The following CDH23 variants were observed in gnomAD, a reference collection of about 807,000 sequenced individuals.
CDH23 encodes cadherin-23.
A neutral mutation model predicts 317.1 loss-of-function variants in CDH23; 189 were observed. That is an observed-to-expected ratio of 0.60 (90% CI 0.53 to 0.67). The LOEUF is 0.67. Ranked by LOEUF, CDH23 falls within the 30% of genes least tolerant of loss-of-function variation. CDH23 has a pLI of 0.00. For missense variants in CDH23, 4,401 were observed against 4,592.4 expected, an observed-to-expected ratio of 0.96 and a Z score of 1.20; for synonymous variants, 1,839 against 1,876.8, an observed-to-expected ratio of 0.98 and a Z score of 0.52.
chr10:71,738,469 T>C, intron 34 of CDH23, 29 bp from the exon 35 acceptor site: 1 of 1,613,820 alleles, frequency 6.2e-7, no homozygotes, highest in Non-Finnish European at 8.5e-7. Flanking sequence ...GGAAGGAGGC[T>C]GTAGGTCTCT....
At chr10:71,515,525 CA>C (rs1448398528) in intron 6 of CDH23, among the ~76,000 whole-genome samples, 1 of 148,776 alleles carries the variant, frequency 6.7e-6, no homozygotes, top group African/African-American at 2.6e-5. Flanking sequence ...CGGATCTGCC[CA>C]ATTTTTTTTT....
intron 6 of CDH23, among the ~76,000 whole-genome samples, chr10:71,520,422 G>A (rs945748009): frequency 2.0e-5 from 3 of 152,216 alleles, no homozygotes; most frequent in Non-Finnish European, 2.9e-5. Flanking sequence ...CTCTGTGGGC[G>A]AGCAACACAC....
intron 6 of CDH23, among the ~76,000 whole-genome samples, chr10:71,515,953 G>A (rs1854313188): frequency 6.6e-6 from 1 of 152,224 alleles, no homozygotes; most frequent in Admixed American, 6.5e-5. Context: ...GTACATGGGG[G>A]CTATTTGTTT....
intron 3 of CDH23, among the ~76,000 whole-genome samples, chr10:71,490,056 TG>T (rs1265600635): frequency 2.0e-5 from 3 of 152,042 alleles, no homozygotes; most frequent in African/African-American, 7.3e-5. Flanking sequence ...CTATGCTGGG[TG>T]GGGCAAGATT....
chr10:71,707,458 T>C (rs1865835154), intron 26 of CDH23: 1 of 1,202,308 alleles, frequency 8.3e-7, no homozygotes, highest in Non-Finnish European at 1.0e-6. Context: ...TTCCCACCTG[T>C]TTAGAGGCAG....
rs34017042 is a variant in CDH23, at chr10:71,414,047, T to TTGTGTGTGTGTGTGTG, written c.-6+16751_-6+16766dup. Among the ~76,000 whole-genome samples, 133 of 142,974 alleles carry TTGTGTGTGTGTGTGTG rather than the reference T, an allele frequency of 9.3e-4. 1 individual carries two copies. Among genetic ancestry groups the TTGTGTGTGTGTGTGTG allele is most frequent in the African/African-American group, 3.1e-3 (117 of 38,204 alleles). The allele number at this position is 142,974 out of a possible 152,430, so 93.8% of individuals were successfully genotyped here. A position where few individuals can be genotyped will look rare whatever the true frequency, so the allele number is the denominator to read the frequency against. On this transcript the variant is annotated intron_variant, in intron 1 of 69. Coordinates refer to ENST00000224721, the MANE Select transcript of CDH23 (RefSeq NM_022124.6). The stretch of plus-strand genomic sequence containing the variant: ...TGCTGAATTTATTAGCTCCTGGGTT[T>TTGTGTGTGTGTGTGTG]TGTGTGTGTGTGTGTGTGTGTGTGT...
intron 8 of CDH23, among the ~76,000 whole-genome samples, chr10:71,572,015 T>A (rs1462383358): frequency 6.6e-6 from 1 of 152,216 alleles, no homozygotes; most frequent in African/African-American, 2.4e-5. Flanking sequence ...GAGGCCGCAG[T>A]CTCCTGGTGT....
chr10:71,788,529 C>T (rs1039765278), intron 44 of CDH23, among the ~76,000 whole-genome samples: 5 of 151,940 alleles, frequency 3.3e-5, no homozygotes, highest in Non-Finnish European at 7.4e-5. Flanking sequence ...GATATCCGCT[C>T]GCTGCAAGCT....
chr10:71,540,131 G>A (rs547498570), intron 6 of CDH23, among the ~76,000 whole-genome samples: 1 of 152,326 alleles, frequency 6.6e-6, no homozygotes, highest in South Asian at 2.1e-4. Context: ...CATCTCAGAT[G>A]TTAAGCCGTC....
chr10:71,759,846 CATAT>C (rs57617386), intron 38 of CDH23, among the ~76,000 whole-genome samples: 2,300 of 59,592 alleles, frequency 0.039, 139 homozygotes, highest in Non-Finnish European at 0.04. Context: ...CACACACACA[CATAT>C]ACACACACAC....
Position 71,785,712 on chromosome 10 carries a change from C to A in CDH23, c.5794C>A (p.Pro1932Thr). The change falls in exon 44 of 70, where the codon CCG (proline) becomes ACG (threonine). Residue 1932 changes from proline to threonine, a missense_variant. By Grantham distance (38) the Pro-to-Thr change is conservative (BLOSUM62 -1). Transcript: ENST00000224721. ...YKLTISVKDN[P>T]ENPRIARRDY... is the part of the protein sequence containing the mutation. ...GCTGACCATTTCTGTGAAGGACAACCCGGAGAATCCACGCATAGCCAGGAG... is the reference window on the plus strand; with the variant it reads ...GCTGACCATTTCTGTGAAGGACAACACGGAGAATCCACGCATAGCCAGGAG... 6.2e-7 allele frequency: 1 copy of A among 1,607,082 alleles called. No homozygotes were observed. Among genetic ancestry groups the A allele is most frequent in the Non-Finnish European group, 8.5e-7 (1 of 1,176,716 alleles).
chr10:71,672,178 G>A (rs141953434), intron 14 of CDH23, among the ~76,000 whole-genome samples: 1 of 152,220 alleles, frequency 6.6e-6, no homozygotes, highest in African/African-American at 2.4e-5. Context: ...TGTGAGCTAG[G>A]CAGGAGAGGG....
intron 53 of CDH23, among the ~76,000 whole-genome samples, chr10:71,802,247 G>A (rs1841576282): frequency 6.6e-6 from 1 of 152,364 alleles, no homozygotes; most frequent in East Asian, 1.9e-4. Context: ...GGTGGAGGTT[G>A]CAGTGAGCCG....
chr10:71,620,909 T>C (rs1046177403), intron 11 of CDH23, among the ~76,000 whole-genome samples: 1 of 152,196 alleles, frequency 6.6e-6, no homozygotes, highest in Non-Finnish European at 1.5e-5. Flanking sequence ...TGCTCTCGTG[T>C]ATCTCATGTT....
intron 28 of CDH23, among the ~76,000 whole-genome samples, chr10:71,723,603 T>C (rs1024747648): frequency 1.3e-5 from 2 of 152,092 alleles, no homozygotes; most frequent in African/African-American, 4.8e-5. Context: ...TGGGACCCAG[T>C]GTGGCCAGAA....
At chr10:71,622,886 G>A in intron 11 of CDH23, 2 of 984,224 alleles carry the variant, frequency 2.0e-6, no homozygotes, top group Admixed American at 6.1e-5. Context: ...CCAGATTCTG[G>A]CTGCTTCTGG....
At chr10:71,537,691 G>T (rs1329429807) in intron 6 of CDH23, among the ~76,000 whole-genome samples, 3 of 152,176 alleles carry the variant, frequency 2.0e-5, no homozygotes, top group Non-Finnish European at 4.4e-5. Flanking sequence ...CCAGCTGAAG[G>T]CATCTCAGCC....
At chr10:71,735,198 G>A (rs1029748406) in intron 34 of CDH23, among the ~76,000 whole-genome samples, 2 of 152,198 alleles carry the variant, frequency 1.3e-5, no homozygotes, top group Non-Finnish European at 2.9e-5. Context: ...TCTCCTGGGG[G>A]TTGGTGCAAG....
rs578085774 is a variant in CDH23, at chr10:71,683,486, C to T, written c.1986+914C>T. On this transcript the variant is annotated intron_variant, in intron 18 of 69. Coordinates refer to ENST00000224721, the MANE Select transcript of CDH23 (RefSeq NM_022124.6). ...CTTAACAAGCTCTGTCTTCTCAACC[C>T]GAGGCTGAAGCTCCAGGGCCAGCTT... 9.2e-5 allele frequency among the ~76,000 whole-genome samples: 14 copies of T among 152,284 alleles called. No homozygotes were observed. In the East Asian group the frequency reaches 9.6e-4, roughly 10 times the overall value.
Sources: allele counts gnomAD v4.1 joint callset (sites outside exome capture counted in the v4.1 genomes callset), GRCh38; gene constraint gnomAD v4.1.1; transcripts MANE v1.5; gene names NCBI Gene and HGNC (gene_info 2026-07-23, HGNC 2026-07-21).